INPP4B: variants seen among roughly 807,000 people sequenced by gnomAD.
INPP4B encodes inositol polyphosphate-4-phosphatase type II B, also known as inositol polyphosphate 4-phosphatase type II.
Under a neutral mutation model 122.5 loss-of-function variants are expected in INPP4B, and 55 were observed. That is an observed-to-expected ratio of 0.45 (90% CI 0.36 to 0.56). The LOEUF is 0.56. Ranked by LOEUF, INPP4B falls within the 20% of genes least tolerant of loss-of-function variation. The pLI is 0.00. For synonymous variants in INPP4B, 403 were observed against 388.7 expected (o/e 1.04, Z -0.43); for missense variants, 1,000 against 1,097.7 (o/e 0.91, Z 1.26).
chr4:142,316,645 TACA>T (rs1316160158), intron 7 of INPP4B, among the ~76,000 whole-genome samples: 3 of 152,166 alleles, frequency 2.0e-5, no homozygotes, highest in Non-Finnish European at 4.4e-5. Context: ...CACTTAAATT[TACA>T]AATAAAGTGA....
intron 21 of INPP4B, among the ~76,000 whole-genome samples, chr4:142,121,646 T>C (rs6850756): frequency 0.13 from 20,451 of 152,100 alleles, 1,556 homozygotes; most frequent in East Asian, 0.24. Context: ...GGAAATCTCA[T>C]AGTCTGAGAG....
intron 21 of INPP4B, among the ~76,000 whole-genome samples, chr4:142,118,508 A>T (rs1335166093): frequency 6.6e-6 from 1 of 152,174 alleles, no homozygotes; most frequent in Non-Finnish European, 1.5e-5. Flanking sequence ...CAACCACCTG[A>T]TCTTTGAAAA....
intron 2 of INPP4B, among the ~76,000 whole-genome samples, chr4:142,516,379 T>C (rs1005048722): frequency 6.6e-6 from 1 of 152,164 alleles, no homozygotes; most frequent in African/African-American, 2.4e-5. Flanking sequence ...TAATGCTTAC[T>C]ATGGGCCAGG....
intron 8 of INPP4B, 115 bp downstream of exon 8, chr4:142,314,597 C>T (rs1433144577): frequency 3.2e-6 from 3 of 933,392 alleles, no homozygotes; most frequent in Non-Finnish European, 5.0e-6. Flanking sequence ...AGAGCCACAC[C>T]CTGTTAATGT....
chr4:142,268,642 G>A lies in INPP4B; in HGVS notation c.615+2021C>T, dbSNP rs372667976. 1.9e-3 allele frequency among the ~76,000 whole-genome samples: 283 copies of A among 152,158 alleles called. 1 individual carries two copies. Among genetic ancestry groups the A allele is most frequent in the African/African-American group, 5.5e-3 (229 of 41,516 alleles). ...CAGATGAATGGAAAAAGGAAATGTG[G>A]TATATACCACAATAAAAAACTATTC... is the stretch of plus-strand genomic sequence containing the variant. On this transcript the variant is annotated intron_variant, in intron 10 of 25. Coordinates refer to ENST00000262992, the MANE Select transcript of INPP4B (RefSeq NM_001101669.3).
intron 1 of INPP4B, among the ~76,000 whole-genome samples, chr4:142,841,756 C>A (rs1478274348): frequency 2.0e-5 from 3 of 151,752 alleles, no homozygotes; most frequent in Admixed American, 2.0e-4. Flanking sequence ...TTTTAAAAAT[C>A]ATATTTTTCT....
At chr4:142,488,661 A>G (rs546715105) in intron 2 of INPP4B, among the ~76,000 whole-genome samples, 1 of 152,222 alleles carries the variant, frequency 6.6e-6, no homozygotes, top group East Asian at 1.9e-4. Context: ...TATAGAATTT[A>G]TTGGCCTAAA....
intron 2 of INPP4B, among the ~76,000 whole-genome samples, chr4:142,625,664 C>T (rs374515254): frequency 7.9e-5 from 12 of 152,036 alleles, no homozygotes; most frequent in East Asian, 7.8e-4. Context: ...AAAAAGAGCC[C>T]GCATCACCAA....
chr4:142,619,335 C>CT (rs1379526796), intron 2 of INPP4B, among the ~76,000 whole-genome samples: 2 of 152,018 alleles, frequency 1.3e-5, no homozygotes, highest in African/African-American at 4.8e-5. Context: ...TGGAAACAAC[C>CT]TACATGTCTA....
intron 5 of INPP4B, among the ~76,000 whole-genome samples, chr4:142,410,594 T>C (rs1467519867): frequency 6.6e-6 from 1 of 152,116 alleles, no homozygotes; most frequent in African/African-American, 2.4e-5. Flanking sequence ...CCACATACCA[T>C]AGTGTATGGA....
At chr4:142,386,115 G>C (rs1410382606) in intron 7 of INPP4B, among the ~76,000 whole-genome samples, 1 of 152,042 alleles carries the variant, frequency 6.6e-6, no homozygotes, top group Non-Finnish European at 1.5e-5. Flanking sequence ...AATTCTGCGT[G>C]TAAGTGAGAC....
chr4:142,382,579 TTA>T (rs201716089), intron 7 of INPP4B, among the ~76,000 whole-genome samples: 1,174 of 98,524 alleles, frequency 0.012, 136 homozygotes, highest in African/African-American at 0.046. Flanking sequence ...ATATTATATA[TTA>T]TATATATACT....
At chr4:142,404,294 C>G (rs1175789067) in intron 6 of INPP4B, among the ~76,000 whole-genome samples, 1 of 152,158 alleles carries the variant, frequency 6.6e-6, no homozygotes, top group Admixed American at 6.6e-5. Flanking sequence ...AGGCGGTCAG[C>G]CCTGAGCTAG....
chr4:142,570,411 T>C (rs1351055272), intron 2 of INPP4B, among the ~76,000 whole-genome samples: 1 of 152,000 alleles, frequency 6.6e-6, no homozygotes, highest in South Asian at 2.1e-4. Flanking sequence ...TGGGAAGTAA[T>C]AGGGGTAACA....
At chr4:142,284,269 C>A (rs1948323) in intron 9 of INPP4B, among the ~76,000 whole-genome samples, 1 of 151,982 alleles carries the variant, frequency 6.6e-6, no homozygotes, top group Admixed American at 6.6e-5. Context: ...CATTTTTTAA[C>A]GCTGATACAC....
rs199613003 is a variant in INPP4B at position 142,299,173 on chromosome 4, G to A, written c.503+6285C>T. On this transcript the variant is annotated intron_variant, in intron 9 of 25. Transcript: ENST00000262992. Reference sequence around the variant, plus strand: ...CTTTCTTTCTTTTTTTTTTTTTGGGGGGGAGACAGAGTCTTGCTCTTATCC... The same window carrying A: ...CTTTCTTTCTTTTTTTTTTTTTGGGAGGGAGACAGAGTCTTGCTCTTATCC... 1.0e-4 allele frequency among the ~76,000 whole-genome samples: 15 copies of A among 143,506 alleles called. No individual in the cohort carries two copies. The East Asian group carries it at 2.5e-3, about 24-fold the overall frequency. The allele number at this position is 143,506 out of a possible 152,430, so 94.1% of individuals were successfully genotyped here. A position where few individuals can be genotyped will look rare whatever the true frequency, so the allele number is the denominator to read the frequency against.
At chr4:142,447,661 C>A (rs537957245) in intron 3 of INPP4B, among the ~76,000 whole-genome samples, 1 of 152,106 alleles carries the variant, frequency 6.6e-6, no homozygotes, top group Non-Finnish European at 1.5e-5. Flanking sequence ...GGAAAGACTG[C>A]GTGCCTAGTA....
chr4:142,023,273 A>T lies in INPP4B; in HGVS notation c.*5509T>A, dbSNP rs1736026423. ...ATCTCTTAAATGCCAACATAAAATG[A>T]TCTATTTATGCCTAGAAAAAATTTC... is the stretch of plus-strand genomic sequence containing the variant. On this transcript the variant is annotated 3_prime_UTR_variant, in exon 26 of 26. Transcript: ENST00000262992. 6.6e-6 allele frequency: 1 copy of T among 152,204 alleles called. No homozygotes were observed. Among genetic ancestry groups the T allele is most frequent in the Admixed American group, 6.5e-5 (1 of 15,276 alleles). The allele number at this position is 152,204 out of a possible 1,614,324, so 9.4% of individuals were successfully genotyped here.
intron 25 of INPP4B, 130 bp from the exon 26 acceptor site, chr4:142,029,044 C>T: frequency 7.0e-7 from 1 of 1,419,890 alleles, no homozygotes; most frequent in Admixed American, 3.1e-5. Context: ...TTTTTTTTTT[C>T]CACAAGTGAT....
Sources: allele counts gnomAD v4.1 joint callset (sites outside exome capture counted in the v4.1 genomes callset), GRCh38; gene constraint gnomAD v4.1.1; transcripts MANE v1.5; gene names NCBI Gene and HGNC (gene_info 2026-07-23, HGNC 2026-07-21).